Variants in ITGA1 observed in about 807,000 individuals in gnomAD.
ITGA1 encodes integrin subunit alpha 1.
Under a neutral mutation model 145.9 loss-of-function variants are expected in ITGA1, and 85 were observed. The ratio of observed to expected loss-of-function variants is 0.58; its 90% CI spans 0.49 to 0.70. The LOEUF (loss-of-function observed/expected upper bound fraction) is 0.70, where lower values mean the gene tolerates loss of function less well. ITGA1 is among the 30% of genes least tolerant of loss of function. The probability of loss-of-function intolerance (pLI) is 0.00; values close to 1 mark genes in which losing one functional copy is unlikely to be tolerated. For missense variants in ITGA1, 1,351 were observed against 1,418.7 expected, an observed-to-expected ratio of 0.95 and a Z score of 0.77; for synonymous variants, 520 against 495.3, an observed-to-expected ratio of 1.05 and a Z score of -0.66.
intron 8 of ITGA1, among the ~76,000 whole-genome samples, chr5:52,890,548 C>T (rs1421674502): frequency 1.3e-5 from 2 of 152,174 alleles, no homozygotes; most frequent in African/African-American, 4.8e-5. Flanking sequence ...TTTCATCACT[C>T]CCAGAAAGTT....
chr5:52,908,803 C>T, intron 12 of ITGA1, 95 bp from the exon 13 acceptor site: 1 of 1,390,636 alleles, frequency 7.2e-7, no homozygotes, highest in Non-Finnish European at 1.0e-6. Flanking sequence ...ACTAGCTCCT[C>T]TTCTAGATTG....
Position 52,864,781 on chromosome 5 carries a change from A to C in ITGA1, c.314A>C (p.Asn105Thr), listed in dbSNP as rs993243547. The C allele has an allele frequency of 2.5e-6, 4 of 1,609,218 alleles. No individual in the cohort carries two copies. The highest frequency in any genetic ancestry group is 3.4e-6 in the Non-Finnish European group (4 of 1,177,596). The change falls in exon 4 of 29, where the codon AAT (asparagine) becomes ACT (threonine). Residue 105 changes from asparagine (N) to threonine (T), a missense_variant. Physicochemically the swap from Asn to Thr is moderately conservative, Grantham distance 65. Transcript: ENST00000282588. ...LDLPVNTSIP[N>T]VTEVKENMTF... ...TTTTTAGTTAATACATCAATTCCCA[A>C]TGTCACAGAAGTAAAGGAGAACATG...
In ITGA1 at chr5:52,907,803, T is replaced by A. The variant is rs1009895448; in HGVS notation, c.1456-1095T>A. 2.6e-5 allele frequency among the ~76,000 whole-genome samples: 4 copies of A among 152,136 alleles called. No individual in the cohort carries two copies. The East Asian group carries it at 7.7e-4, about 29-fold the overall frequency. On this transcript the variant is annotated intron_variant, in intron 12 of 28. Transcript: ENST00000282588. Reference sequence around the variant, plus strand: ...ACTGAGCTCCAGTTGACGGTTGCCATGTGGGGAGGAAAGCCCAGAGTTGCA... The same window carrying A: ...ACTGAGCTCCAGTTGACGGTTGCCAAGTGGGGAGGAAAGCCCAGAGTTGCA...
In ITGA1 at chr5:52,919,777, T is replaced by G. The variant is rs550179282; in HGVS notation, c.2156-555T>G. ...TGATCAAATAAGGAATATTGTAGCC[T>G]TCATATACAGTGTAAGATTTCATTT... On this transcript the variant is annotated intron_variant, in intron 16 of 28. Transcript: ENST00000282588. Among the ~76,000 whole-genome samples, 19 of 152,304 alleles carry G rather than the reference T, an allele frequency of 1.2e-4. No homozygotes were observed. The East Asian group carries it at 2.7e-3, about 22-fold the overall frequency.
intron 14 of ITGA1, among the ~76,000 whole-genome samples, chr5:52,914,029 C>A (rs1750605389): frequency 6.6e-6 from 1 of 152,098 alleles, no homozygotes; most frequent in Non-Finnish European, 1.5e-5. Context: ...CAGCATCAAT[C>A]CTGTAAATTT....
At chr5:52,860,713 T>C (rs1749584996) in intron 2 of ITGA1, among the ~76,000 whole-genome samples, 1 of 152,220 alleles carries the variant, frequency 6.6e-6, no homozygotes, top group East Asian at 1.9e-4. Flanking sequence ...TCCACCCAAG[T>C]ATCTTACTAT....
At chr5:52,826,080 C>T (rs1454872611) in intron 1 of ITGA1, among the ~76,000 whole-genome samples, 1 of 152,170 alleles carries the variant, frequency 6.6e-6, no homozygotes, top group African/African-American at 2.4e-5. Context: ...TAGGCCAAAG[C>T]TAGGCCTCTT....
rs575739533 is a variant in ITGA1 at position 52,791,419 on chromosome 5, C to T, written c.61+3005C>T. On this transcript the variant is annotated intron_variant, in intron 1 of 28. Coordinates refer to ENST00000282588, the MANE Select transcript of ITGA1 (RefSeq NM_181501.2). Reference sequence around the variant, plus strand: ...GTGGCCATTAGACTGGAGTTGTGGTCATAAAAAGGAATGCAGCTAGTGACA... The same window carrying T: ...GTGGCCATTAGACTGGAGTTGTGGTTATAAAAAGGAATGCAGCTAGTGACA... Among the ~76,000 whole-genome samples, 23 of 152,112 alleles carry T rather than the reference C, an allele frequency of 1.5e-4. No homozygotes were observed. The South Asian group carries it at 3.1e-3, about 21-fold the overall frequency.
At chr5:52,806,546 C>T (rs538965205) in intron 1 of ITGA1, among the ~76,000 whole-genome samples, 4 of 151,966 alleles carry the variant, frequency 2.6e-5, no homozygotes, top group East Asian at 1.9e-4. Flanking sequence ...TCTTCAGTGG[C>T]GATGATAAAG....
intron 1 of ITGA1, chr5:52,800,790 C>T: frequency 6.2e-7 from 1 of 1,613,518 alleles, no homozygotes; most frequent in Non-Finnish European, 8.5e-7. Context: ...GTGACCCAGC[C>T]TGGAGCGCTG....
At chr5:52,901,014 A>G (rs1750305862) in intron 11 of ITGA1, among the ~76,000 whole-genome samples, 2 of 152,190 alleles carry the variant, frequency 1.3e-5, no homozygotes, top group African/African-American at 4.8e-5. Context: ...CTGGACCCAT[A>G]CTTTGCATGG....
intron 1 of ITGA1, among the ~76,000 whole-genome samples, chr5:52,815,921 A>G (rs1289538424): frequency 6.6e-6 from 1 of 152,194 alleles, no homozygotes; most frequent in Non-Finnish European, 1.5e-5. Flanking sequence ...TTTAAAATGT[A>G]TAACTAAACA....
intron 2 of ITGA1, among the ~76,000 whole-genome samples, chr5:52,854,905 G>A (rs549197558): frequency 3.3e-5 from 5 of 152,188 alleles, no homozygotes; most frequent in Non-Finnish European, 7.4e-5. Flanking sequence ...AATGAGTAAC[G>A]ATATCCAGAA....
At chr5:52,800,311 C>T (rs1561211467) in intron 1 of ITGA1, 11 of 1,498,196 alleles carry the variant, frequency 7.3e-6, no homozygotes, top group Non-Finnish European at 1.0e-5. Context: ...CCCTTCCTGG[C>T]CTGCATTCCC....
intron 6 of ITGA1, among the ~76,000 whole-genome samples, chr5:52,868,803 AT>A (rs1749730798): frequency 1.3e-5 from 2 of 152,322 alleles, no homozygotes; most frequent in South Asian, 4.1e-4. Flanking sequence ...AGGGAACCTG[AT>A]TTTTAAAGAG....
chr5:52,831,839 A>G (rs1307494069), intron 1 of ITGA1, among the ~76,000 whole-genome samples: 1 of 152,136 alleles, frequency 6.6e-6, no homozygotes, highest in Non-Finnish European at 1.5e-5. Flanking sequence ...ATTGATTAAC[A>G]TATTTGTTAT....
At chr5:52,844,579 T>C (rs1340462304) in intron 1 of ITGA1, among the ~76,000 whole-genome samples, 1 of 152,186 alleles carries the variant, frequency 6.6e-6, no homozygotes, top group Non-Finnish European at 1.5e-5. Context: ...TGGTATTTAA[T>C]TATAGAGTTG....
intron 6 of ITGA1, among the ~76,000 whole-genome samples, chr5:52,878,803 C>G (rs188520227): frequency 8.0e-4 from 122 of 152,176 alleles, no homozygotes; most frequent in African/African-American, 2.8e-3. Flanking sequence ...TAGCAGCATT[C>G]AAAGCCACAG....
chr5:52,919,837 C>A (rs1244249292), intron 16 of ITGA1, among the ~76,000 whole-genome samples: 3 of 151,806 alleles, frequency 2.0e-5, no homozygotes, highest in African/African-American at 7.3e-5. Context: ...TTTTATTGAA[C>A]CTTAATAGTG....
Sources: gnomAD v4.1 joint callset for allele counts (sites outside exome capture counted in the v4.1 genomes callset) on GRCh38, gnomAD v4.1.1 for gene constraint, MANE v1.5 for transcripts, NCBI Gene and HGNC (gene_info 2026-07-23, HGNC 2026-07-21) for gene names.